The following NLGN1 variants were observed in gnomAD, a reference collection of about 807,000 sequenced individuals.
NLGN1 encodes the protein neuroligin 1.
In NLGN1, 12 loss-of-function variants were observed where a neutral mutation model predicts 65.5. The observed-to-expected ratio is 0.18, with a 90% CI of 0.12 to 0.30. The LOEUF is 0.30. Ranked by LOEUF, NLGN1 falls within the 10% of genes least tolerant of loss-of-function variation. The pLI, the probability that NLGN1 is intolerant of heterozygous loss-of-function variation, is 1.00. For missense variants in NLGN1, 750 were observed against 1,007.1 expected (o/e 0.74, Z 3.46); for synonymous variants, 350 against 359.5 (o/e 0.97, Z 0.30).
intron 3 of NLGN1, among the ~76,000 whole-genome samples, chr3:173,648,142 GA>G (rs1244613409): frequency 0.018 from 2,685 of 145,760 alleles, 81 homozygotes; most frequent in African/African-American, 0.061. Context: ...TTGAATTCCA[GA>G]AAAAAAAAAT....
At chr3:174,103,488 G>T (rs1713015185) in intron 4 of NLGN1, among the ~76,000 whole-genome samples, 1 of 152,094 alleles carries the variant, frequency 6.6e-6, no homozygotes, top group Non-Finnish European at 1.5e-5. Flanking sequence ...CAGAATGGGA[G>T]TAGATTTTAT....
chr3:173,781,256 G>C (rs1781112365), intron 3 of NLGN1, among the ~76,000 whole-genome samples: 1 of 151,638 alleles, frequency 6.6e-6, no homozygotes, highest in South Asian at 2.1e-4. Flanking sequence ...ATTTAAAATA[G>C]TTTATTGGAT....
At chr3:173,409,042 C>T (rs1382923933) in intron 1 of NLGN1, among the ~76,000 whole-genome samples, 1 of 152,090 alleles carries the variant, frequency 6.6e-6, no homozygotes, top group Non-Finnish European at 1.5e-5. Flanking sequence ...CCTAGGAAGC[C>T]TGAGATCTCA....
At chr3:173,493,204 C>T (rs1458055227) in intron 2 of NLGN1, among the ~76,000 whole-genome samples, 1 of 151,636 alleles carries the variant, frequency 6.6e-6, no homozygotes, top group Non-Finnish European at 1.5e-5. Flanking sequence ...TATCATGCCC[C>T]AAGTCACACA....
intron 3 of NLGN1, among the ~76,000 whole-genome samples, chr3:173,675,334 C>A (rs191010970): frequency 6.6e-6 from 1 of 152,168 alleles, no homozygotes. Context: ...ATCCCATATT[C>A]ATTTCATTGC....
At chr3:173,521,606 C>T (rs942995429) in intron 2 of NLGN1, among the ~76,000 whole-genome samples, 1 of 152,122 alleles carries the variant, frequency 6.6e-6, no homozygotes, top group South Asian at 2.1e-4. Context: ...TATATCTGCT[C>T]CCATAGAAAG....
At chr3:173,643,984 C>G (rs970240541) in intron 3 of NLGN1, among the ~76,000 whole-genome samples, 6 of 152,184 alleles carry the variant, frequency 3.9e-5, no homozygotes, top group African/African-American at 1.4e-4. Flanking sequence ...TGCCAGTCCA[C>G]CAGCTGCAGA....
At chr3:173,550,958 C>T (rs1740756385) in intron 2 of NLGN1, among the ~76,000 whole-genome samples, 1 of 152,080 alleles carries the variant, frequency 6.6e-6, no homozygotes, top group Non-Finnish European at 1.5e-5. Context: ...ATTTTTCTCC[C>T]TATACACATG....
chr3:174,028,700 C>G (rs1729329793), intron 4 of NLGN1, among the ~76,000 whole-genome samples: 1 of 152,240 alleles, frequency 6.6e-6, no homozygotes, highest in African/African-American at 2.4e-5. Context: ...AAAGAAAAAC[C>G]CATTTTCTGA....
At chr3:173,505,243 A>C (rs935172235) in intron 2 of NLGN1, among the ~76,000 whole-genome samples, 5 of 152,048 alleles carry the variant, frequency 3.3e-5, no homozygotes, top group African/African-American at 9.7e-5. Flanking sequence ...GAATTATCCT[A>C]GTTCCAGTTT....
chr3:174,276,855 G>C (rs1750687047), intron 5 of NLGN1, among the ~76,000 whole-genome samples: 3 of 151,708 alleles, frequency 2.0e-5, no homozygotes, highest in Non-Finnish European at 4.4e-5. Flanking sequence ...AGATTAGATT[G>C]TTCTAATCTC....
intron 3 of NLGN1, among the ~76,000 whole-genome samples, chr3:173,744,639 C>G (rs1775097623): frequency 6.6e-6 from 1 of 152,110 alleles, no homozygotes; most frequent in South Asian, 2.1e-4. Flanking sequence ...CGTTAGAAAG[C>G]ATGATTGTGT....
intron 4 of NLGN1, among the ~76,000 whole-genome samples, chr3:173,855,934 A>G (rs1462798911): frequency 6.6e-6 from 1 of 152,164 alleles, no homozygotes; most frequent in Non-Finnish European, 1.5e-5. Context: ...AGGTTTACCC[A>G]TCACTCTAGC....
At chr3:173,926,343 A>G (rs1307922348) in intron 4 of NLGN1, among the ~76,000 whole-genome samples, 2 of 152,064 alleles carry the variant, frequency 1.3e-5, no homozygotes, top group Non-Finnish European at 2.9e-5. Flanking sequence ...TAAGTCTCCA[A>G]CTCTAGTTTC....
intron 3 of NLGN1, among the ~76,000 whole-genome samples, chr3:173,709,253 C>G (rs1768545006): frequency 6.6e-6 from 1 of 152,114 alleles, no homozygotes; most frequent in Non-Finnish European, 1.5e-5. Flanking sequence ...TGGAGTTCAG[C>G]CAGACCTAGC....
intron 3 of NLGN1, among the ~76,000 whole-genome samples, chr3:173,747,316 A>G (rs1378994265): frequency 6.4e-5 from 9 of 141,520 alleles, no homozygotes; most frequent in African/African-American, 1.1e-4. Context: ...ATATATTTAT[A>G]TATACTTATA....
chr3:173,473,570 T>TA lies in NLGN1; in HGVS notation c.-321+38493dup, dbSNP rs146929078. 3.0e-3 allele frequency among the ~76,000 whole-genome samples: 452 copies of TA among 152,346 alleles called. 15 individuals are homozygous for TA. In the East Asian group the frequency reaches 0.065, roughly 22 times the overall value. ...CTGTTTGAGGACTGTGTGCTTTGGG[T>TA]AGTACTCTTCTCAGACAGTGATGCA... On this transcript the variant is annotated intron_variant, in intron 2 of 6. Coordinates refer to ENST00000457714, the Ensembl canonical transcript of NLGN1.
At chr3:174,013,657 A>G (rs1046326226) in intron 4 of NLGN1, among the ~76,000 whole-genome samples, 1 of 152,186 alleles carries the variant, frequency 6.6e-6, no homozygotes, top group African/African-American at 2.4e-5. Flanking sequence ...AACATTAGAT[A>G]AATATCGACT....
At chr3:173,989,608 T>G (rs146022782) in intron 4 of NLGN1, among the ~76,000 whole-genome samples, 7 of 152,296 alleles carry the variant, frequency 4.6e-5, no homozygotes, top group Admixed American at 1.3e-4. Context: ...CTATAATAGA[T>G]GGTGTTCAAC....
Sources: gnomAD v4.1 joint callset for allele counts (sites outside exome capture counted in the v4.1 genomes callset) on GRCh38, gnomAD v4.1.1 for gene constraint, MANE v1.5 for transcripts, NCBI Gene and HGNC (gene_info 2026-07-23, HGNC 2026-07-21) for gene names.